The following NRG1 variants were observed in gnomAD, a reference collection of about 807,000 sequenced individuals.
The protein encoded by NRG1 is pro-neuregulin-1, membrane-bound isoform.
NRG1 carries 18 observed loss-of-function variants against 63.8 expected under a neutral mutation model. The observed-to-expected ratio is 0.28, with a 90% confidence interval of 0.19 to 0.42. The LOEUF (loss-of-function observed/expected upper bound fraction) is 0.42. Among genes scored for constraint, NRG1 ranks in the 10% least tolerant of loss-of-function variants. NRG1 has a pLI of 1.00. For missense variants in NRG1, 762 were observed against 814.7 expected, an observed-to-expected ratio of 0.94 and a Z score of 0.79; for synonymous variants, 302 against 301.3, an observed-to-expected ratio of 1.00 and a Z score of -0.02.
At chr8:32,730,849 C>G (rs907615420) in intron 6 of NRG1, among the ~76,000 whole-genome samples, 1 of 152,138 alleles carries the variant, frequency 6.6e-6, no homozygotes, top group Non-Finnish European at 1.5e-5. Flanking sequence ...CTTAAGCATA[C>G]AGTGTAATTG....
At chr8:32,250,651 T>C (rs550276880) in intron 1 of NRG1, among the ~76,000 whole-genome samples, 1 of 152,286 alleles carries the variant, frequency 6.6e-6, no homozygotes, top group African/African-American at 2.4e-5. Flanking sequence ...AAAACTGTTA[T>C]TATAAAATGA....
At chr8:32,229,616 G>A (rs750309363) in intron 1 of NRG1, among the ~76,000 whole-genome samples, 3 of 152,116 alleles carry the variant, frequency 2.0e-5, no homozygotes, top group African/African-American at 4.8e-5. Context: ...GATCTTTAAA[G>A]CACCGTCTGC....
intron 1 of NRG1, among the ~76,000 whole-genome samples, chr8:32,499,264 A>C (rs559808539): frequency 2.0e-5 from 3 of 152,186 alleles, no homozygotes; most frequent in Admixed American, 6.5e-5. Flanking sequence ...ATGCTATGTG[A>C]ATAATCACAC....
At chr8:31,695,733 A>T (rs1251608773) in intron 1 of NRG1, among the ~76,000 whole-genome samples, 1 of 152,200 alleles carries the variant, frequency 6.6e-6, no homozygotes, top group Non-Finnish European at 1.5e-5. Context: ...TTTAAGTTCA[A>T]CTATTTTATC....
chr8:32,765,833 G>A (rs535326666), exon 12 of NRG1: 4 of 152,074 alleles, frequency 2.6e-5, no homozygotes, highest in Non-Finnish European at 5.9e-5. Flanking sequence ...GACTAAGATT[G>A]GTCTAAGCAT....
At chr8:32,175,865 T>C (rs940967935) in intron 1 of NRG1, among the ~76,000 whole-genome samples, 5 of 152,204 alleles carry the variant, frequency 3.3e-5, no homozygotes, top group African/African-American at 7.2e-5. Flanking sequence ...ATTCCATGCT[T>C]ATGGGTAGAA....
intron 1 of NRG1, among the ~76,000 whole-genome samples, chr8:32,586,158 CTATATATATATA>C (rs5890660): frequency 3.4e-5 from 5 of 146,340 alleles, no homozygotes; most frequent in Non-Finnish European, 3.0e-5. Flanking sequence ...GTTGAAAGTA[CTATATATATATA>C]TATATATATA....
intron 1 of NRG1, among the ~76,000 whole-genome samples, chr8:32,041,742 G>A (rs1402459503): frequency 1.3e-5 from 2 of 152,180 alleles, no homozygotes; most frequent in African/African-American, 4.8e-5. Flanking sequence ...TAACAGAGAA[G>A]AAGGAATAGA....
intron 1 of NRG1, among the ~76,000 whole-genome samples, chr8:32,186,423 T>C (rs1352699087): frequency 7.2e-6 from 1 of 139,044 alleles, no homozygotes; most frequent in Non-Finnish European, 1.5e-5. Context: ...ATGGCGCCAC[T>C]GCCCTCCAGC....
At chr8:32,233,766 T>C (rs981265111) in intron 1 of NRG1, among the ~76,000 whole-genome samples, 4 of 151,822 alleles carry the variant, frequency 2.6e-5, no homozygotes, top group African/African-American at 9.7e-5. Context: ...GGTTTCACCA[T>C]GTTGGCCAGG....
intron 1 of NRG1, among the ~76,000 whole-genome samples, chr8:31,677,472 ATTGT>A (rs1807835715): frequency 1.3e-5 from 2 of 152,058 alleles, no homozygotes; most frequent in African/African-American, 4.8e-5. Flanking sequence ...TTCTAACTTA[ATTGT>A]CAGAATCTGT....
At chr8:32,746,231 A>C (rs1367779902) in intron 7 of NRG1, among the ~76,000 whole-genome samples, 1 of 152,206 alleles carries the variant, frequency 6.6e-6, no homozygotes, top group Non-Finnish European at 1.5e-5. Context: ...ATATGTGAAA[A>C]AAAACAGTAT....
At chr8:32,301,085 T>C (rs1855519324) in intron 1 of NRG1, among the ~76,000 whole-genome samples, 1 of 152,206 alleles carries the variant, frequency 6.6e-6, no homozygotes, top group Admixed American at 6.5e-5. Flanking sequence ...TCTGTAACTA[T>C]TTTCTAAGAA....
At chr8:31,668,203 T>C (rs965622234) in intron 1 of NRG1, among the ~76,000 whole-genome samples, 2 of 152,226 alleles carry the variant, frequency 1.3e-5, no homozygotes, top group Non-Finnish European at 2.9e-5. Context: ...AATTGGATAA[T>C]GGATGGTGGA....
At chr8:31,816,796 T>C (rs1285958752) in intron 1 of NRG1, among the ~76,000 whole-genome samples, 1 of 152,172 alleles carries the variant, frequency 6.6e-6, no homozygotes, top group East Asian at 1.9e-4. Context: ...ATGAATGCCA[T>C]TGCCTCTTCA....
intron 1 of NRG1, among the ~76,000 whole-genome samples, chr8:32,337,682 A>AAT (rs1554511693): frequency 2.6e-5 from 3 of 116,632 alleles, no homozygotes; most frequent in Non-Finnish European, 5.7e-5. Context: ...AAAAAAAAAA[A>AAT]GCTGATGCAG....
At chr8:31,646,608 A>G (rs1475199400) in intron 1 of NRG1, among the ~76,000 whole-genome samples, 1 of 152,236 alleles carries the variant, frequency 6.6e-6, no homozygotes, top group Non-Finnish European at 1.5e-5. Context: ...CTAAAACCAC[A>G]TAGTTATAAC....
chr8:32,436,359 A>T (rs1358617181), intron 1 of NRG1, among the ~76,000 whole-genome samples: 3 of 152,190 alleles, frequency 2.0e-5, no homozygotes, highest in Non-Finnish European at 4.4e-5. Flanking sequence ...TGAGATTCAG[A>T]TGGGAACACA....
intron 1 of NRG1, among the ~76,000 whole-genome samples, chr8:32,318,465 G>T (rs1208300354): frequency 1.3e-4 from 20 of 152,126 alleles, no homozygotes; most frequent in Admixed American, 1.3e-3. Flanking sequence ...TGCATAAGGA[G>T]ACATTGGCAC....
Sources: gnomAD v4.1 joint callset for allele counts (sites outside exome capture counted in the v4.1 genomes callset) on GRCh38, gnomAD v4.1.1 for gene constraint, MANE v1.5 for transcripts, NCBI Gene and HGNC (gene_info 2026-07-23, HGNC 2026-07-21) for gene names.